FMNL2: variants seen among roughly 807,000 people sequenced by gnomAD.
The protein encoded by FMNL2 is formin like 2, also known as formin-like protein 2.
Under a neutral mutation model 130.2 loss-of-function variants are expected in FMNL2, and 51 were observed. The observed-to-expected ratio is 0.39, with a 90% CI of 0.31 to 0.49. The LOEUF (loss-of-function observed/expected upper bound fraction) is 0.49, where lower values mean the gene tolerates loss of function less well. FMNL2 is among the 20% of genes least tolerant of loss of function. The pLI, the probability that FMNL2 is intolerant of heterozygous loss-of-function variation, is 0.85. For synonymous variants in FMNL2, 465 were observed against 467.1 expected (o/e 1.00, Z 0.06); for missense variants, 977 against 1,316.2 (o/e 0.74, Z 3.99).
chr2:152,414,027 A>G (rs1240045164), intron 1 of FMNL2, among the ~76,000 whole-genome samples: 1 of 152,214 alleles, frequency 6.6e-6, no homozygotes, highest in Non-Finnish European at 1.5e-5. Context: ...TCTGTTTGCC[A>G]TAAATGTGAT....
chr2:152,386,613 C>A (rs574462277), intron 1 of FMNL2, among the ~76,000 whole-genome samples: 4 of 152,230 alleles, frequency 2.6e-5, no homozygotes, highest in African/African-American at 9.6e-5. Flanking sequence ...TTATATGTGT[C>A]TATCTGTTTT....
intron 2 of FMNL2, among the ~76,000 whole-genome samples, chr2:152,525,003 C>T (rs1383322288): frequency 1.3e-5 from 2 of 152,264 alleles, no homozygotes; most frequent in African/African-American, 4.8e-5. Flanking sequence ...CGCGTCCCTT[C>T]GCCTTTCCTA....
In FMNL2 at chr2:152,619,504, G is replaced by A; in HGVS notation, c.1628-5G>A. On this transcript the variant is annotated splice_region_variant and splice_polypyrimidine_tract_variant and intron_variant, in intron 14 of 25. Coordinates refer to ENST00000288670, the MANE Select transcript of FMNL2 (RefSeq NM_052905.4). ...AAGTCCATCTGTTTCTTTTTTCTTT[G>A]CTAGTGCAAAATGGTCCAGTAACAC... is the stretch of plus-strand genomic sequence containing the variant. 6.5e-7 allele frequency: 1 copy of A among 1,548,764 alleles called. No individual in the cohort carries two copies. Among genetic ancestry groups the A allele is most frequent in the Non-Finnish European group, 8.7e-7 (1 of 1,146,582 alleles).
intron 2 of FMNL2, 122 bp from the exon 3 acceptor site, chr2:152,542,617 C>T (rs1694374153): frequency 1.1e-6 from 1 of 888,824 alleles, no homozygotes; most frequent in Non-Finnish European, 1.8e-6. Context: ...AAAATGACTG[C>T]TCGCAGGGCC....
At chr2:152,580,041 T>G (rs1386914769) in intron 8 of FMNL2, among the ~76,000 whole-genome samples, 3 of 152,232 alleles carry the variant, frequency 2.0e-5, no homozygotes. Context: ...AAACTTCCCC[T>G]GATTAAACCT....
At chr2:152,421,369 TG>T (rs1317961448) in intron 1 of FMNL2, among the ~76,000 whole-genome samples, 2 of 152,212 alleles carry the variant, frequency 1.3e-5, no homozygotes, top group Admixed American at 1.3e-4. Flanking sequence ...TAAGCACCAT[TG>T]CCATATCATT....
intron 1 of FMNL2, among the ~76,000 whole-genome samples, chr2:152,488,032 G>A (rs911408845): frequency 1.3e-5 from 2 of 152,006 alleles, no homozygotes; most frequent in African/African-American, 2.4e-5. Flanking sequence ...CGCCCACCTC[G>A]GCCTCTCAAA....
chr2:152,472,214 G>A (rs1689896937), intron 1 of FMNL2, among the ~76,000 whole-genome samples: 1 of 152,146 alleles, frequency 6.6e-6, no homozygotes, highest in Non-Finnish European at 1.5e-5. Context: ...AAACCTCCCA[G>A]CAGTGTCCTG....
rs138546216 is a variant in FMNL2, at chr2:152,418,717, A to T, written c.117+82997A>T. Reference sequence around the variant, plus strand: ...TTTATCTATGCATCTATTGATGGACATATGAGTTGTTTCTACCTTTAGGTT... The same window carrying T: ...TTTATCTATGCATCTATTGATGGACTTATGAGTTGTTTCTACCTTTAGGTT... On this transcript the variant is annotated intron_variant, in intron 1 of 25. Coordinates refer to ENST00000288670, the MANE Select transcript of FMNL2 (RefSeq NM_052905.4). Among the ~76,000 whole-genome samples the T allele has an allele frequency of 7.1e-4, 108 of 152,358 alleles. 1 individual carries two copies. In the East Asian group the frequency reaches 0.015, roughly 21 times the overall value.
chr2:152,566,544 G>T (rs1431894777), intron 6 of FMNL2, among the ~76,000 whole-genome samples: 1 of 152,154 alleles, frequency 6.6e-6, no homozygotes, highest in Non-Finnish European at 1.5e-5. Flanking sequence ...CACTGAAGAG[G>T]CCTCAGCAAA....
At chr2:152,584,830 T>TA (rs1696978963) in intron 9 of FMNL2, among the ~76,000 whole-genome samples, 2 of 152,194 alleles carry the variant, frequency 1.3e-5, no homozygotes, top group South Asian at 2.1e-4. Flanking sequence ...TTTTTTTCCT[T>TA]AAAAAATCTT....
In FMNL2 at chr2:152,611,528, C is replaced by T; in HGVS notation, c.985C>T (p.His329Tyr). ...ASMQFINIVV[H>Y]SVEDMNFRVH... ...TATGCAGTTTATTAATATTGTAGTC[C>T]ATTCAGTAGAAGATATGAATTTCAG... The change falls in exon 11 of 26, where the codon CAT (histidine) becomes TAT (tyrosine). Residue 329 changes from histidine (H) to tyrosine (Y), a missense_variant. Coordinates refer to ENST00000288670, the MANE Select transcript of FMNL2 (RefSeq NM_052905.4). 1 of 1,598,296 alleles carries T rather than the reference C, an allele frequency of 6.3e-7. No homozygotes were observed. Among genetic ancestry groups the T allele is most frequent in the Non-Finnish European group, 8.5e-7 (1 of 1,171,130 alleles).
chr2:152,639,881 TGAA>T (rs1682935385), intron 23 of FMNL2, 74 bp from the exon 24 acceptor site: 1 of 1,289,770 alleles, frequency 7.8e-7, no homozygotes, highest in African/African-American at 1.5e-5. Context: ...TAAGGATGCT[TGAA>T]GAATGACTTT....
chr2:152,523,763 G>T (rs1417507369), intron 2 of FMNL2, among the ~76,000 whole-genome samples: 3 of 152,172 alleles, frequency 2.0e-5, no homozygotes, highest in Non-Finnish European at 4.4e-5. Context: ...ACTTCTGTAT[G>T]ATTGCATTAG....
intron 1 of FMNL2, among the ~76,000 whole-genome samples, chr2:152,356,974 T>G (rs1480988891): frequency 6.7e-6 from 1 of 149,052 alleles, no homozygotes; most frequent in Non-Finnish European, 1.5e-5. Context: ...AAATATTAAA[T>G]AAGTTTAATA....
At chr2:152,535,477 A>G (rs1693947756) in intron 2 of FMNL2, among the ~76,000 whole-genome samples, 1 of 152,160 alleles carries the variant, frequency 6.6e-6, no homozygotes, top group African/African-American at 2.4e-5. Context: ...TTGTATTACA[A>G]CTATGTCTGT....
In FMNL2 at chr2:152,436,173, C is replaced by CT. The variant is rs35939908; in HGVS notation, c.118-85760dup. On this transcript the variant is annotated intron_variant, in intron 1 of 25. Transcript: ENST00000288670. ...TCACCCCATTGCTTTTTTTATTTTT[C>CT]TTTTTTTTTTGAGACAGGGTCTGGC... 5.3e-3 allele frequency among the ~76,000 whole-genome samples: 782 copies of CT among 146,772 alleles called. 12 individuals are homozygous for CT. Among genetic ancestry groups the CT allele is most frequent in the East Asian group, 0.046 (230 of 5,028 alleles).
intron 1 of FMNL2, among the ~76,000 whole-genome samples, chr2:152,485,695 A>G (rs535233907): frequency 1.3e-5 from 2 of 152,222 alleles, no homozygotes; most frequent in Non-Finnish European, 2.9e-5. Context: ...TAACATAAAT[A>G]TGGGAGGAGT....
At chr2:152,349,330 A>C (rs568333166) in intron 1 of FMNL2, among the ~76,000 whole-genome samples, 2 of 152,190 alleles carry the variant, frequency 1.3e-5, no homozygotes, top group Non-Finnish European at 2.9e-5. Context: ...ATTATCGTTG[A>C]TGCTCATGAC....
Sources: allele counts gnomAD v4.1 joint callset (sites outside exome capture counted in the v4.1 genomes callset), GRCh38; gene constraint gnomAD v4.1.1; transcripts MANE v1.5; gene names NCBI Gene and HGNC (gene_info 2026-07-23, HGNC 2026-07-21).